SCAMP1: variants seen among roughly 807,000 people sequenced by gnomAD.
SCAMP1 encodes the protein secretory carrier-associated membrane protein 1.
Under a neutral mutation model 41.8 loss-of-function variants are expected in SCAMP1, and 15 were observed. That is an observed-to-expected ratio of 0.36 (90% confidence interval 0.24 to 0.55). SCAMP1 has a LOEUF of 0.55. SCAMP1 is among the 20% of genes least tolerant of loss of function. The pLI, the probability that SCAMP1 is intolerant of heterozygous loss-of-function variation, is 0.86. For missense variants in SCAMP1, 341 were observed against 412.6 expected, an observed-to-expected ratio of 0.83 and a Z score of 1.50; for synonymous variants, 135 against 136.8, an observed-to-expected ratio of 0.99 and a Z score of 0.09.
intron 8 of SCAMP1, among the ~76,000 whole-genome samples, chr5:78,464,127 G>A (rs530051504): frequency 2.1e-5 from 3 of 145,930 alleles, no homozygotes; most frequent in Non-Finnish European, 3.0e-5. Flanking sequence ...ACAGGCATGC[G>A]CCACCACACT....
At chr5:78,416,820 C>A (rs1233034799) in intron 4 of SCAMP1, among the ~76,000 whole-genome samples, 171 bp downstream of exon 4, 1 of 152,184 alleles carries the variant, frequency 6.6e-6, no homozygotes, top group South Asian at 2.1e-4. Flanking sequence ...GCCTTCTAAT[C>A]TTGGCTGATT....
intron 1 of SCAMP1, among the ~76,000 whole-genome samples, chr5:78,366,980 G>C (rs1384455746): frequency 6.6e-6 from 1 of 151,774 alleles, no homozygotes; most frequent in Non-Finnish European, 1.5e-5. Flanking sequence ...TTTGAGTTTG[G>C]AGATTGGATA....
At chr5:78,407,083 T>C (rs1254482728) in intron 2 of SCAMP1, among the ~76,000 whole-genome samples, 1 of 152,224 alleles carries the variant, frequency 6.6e-6, no homozygotes, top group Non-Finnish European at 1.5e-5. Flanking sequence ...ATAGGTTGGC[T>C]TTCCTTCTGT....
intron 2 of SCAMP1, among the ~76,000 whole-genome samples, chr5:78,414,469 G>A (rs34625710): frequency 0.17 from 26,458 of 151,904 alleles, 3,065 homozygotes; most frequent in Admixed American, 0.34. Flanking sequence ...TTTTAGGAGA[G>A]ATGGGGTTTC....
At chr5:78,398,236 T>C (rs1751702535) in intron 2 of SCAMP1, among the ~76,000 whole-genome samples, 1 of 152,090 alleles carries the variant, frequency 6.6e-6, no homozygotes, top group Non-Finnish European at 1.5e-5. Flanking sequence ...AATGAAGTAG[T>C]TACTACAACA....
intron 1 of SCAMP1, 161 bp downstream of exon 1, chr5:78,360,889 C>T (rs1327711238): frequency 1.5e-6 from 1 of 670,100 alleles, no homozygotes; most frequent in Non-Finnish European, 2.5e-6. Flanking sequence ...GCCCCGGCCC[C>T]GTGTCACTCC....
chr5:78,383,556 T>C (rs61668697), intron 1 of SCAMP1, among the ~76,000 whole-genome samples: 6,580 of 152,278 alleles, frequency 0.043, 426 homozygotes, highest in African/African-American at 0.15. Flanking sequence ...AGAAATTTTA[T>C]GGTTTCAGGT....
intron 6 of SCAMP1, among the ~76,000 whole-genome samples, chr5:78,423,450 T>G (rs1031621544): frequency 2.0e-5 from 3 of 152,212 alleles, no homozygotes; most frequent in South Asian, 2.1e-4. Context: ...GTTTTGTTTT[T>G]TTTGGACATC....
intron 6 of SCAMP1, among the ~76,000 whole-genome samples, chr5:78,431,590 A>T (rs1344402125): frequency 7.4e-5 from 6 of 81,424 alleles, no homozygotes; most frequent in Admixed American, 1.4e-4. Context: ...CTTCTCCCCT[A>T]TTTCTTCATT....
chr5:78,380,011 A>C (rs1751159045), intron 1 of SCAMP1, among the ~76,000 whole-genome samples: 1 of 152,214 alleles, frequency 6.6e-6, no homozygotes, highest in African/African-American at 2.4e-5. Context: ...TCTTCCTTTT[A>C]AAAAACATAA....
intron 2 of SCAMP1, among the ~76,000 whole-genome samples, chr5:78,400,995 C>G (rs1751784545): frequency 6.6e-6 from 1 of 152,106 alleles, no homozygotes; most frequent in Admixed American, 6.5e-5. Flanking sequence ...TGTTCTTTAT[C>G]AAATTGAGGA....
intron 7 of SCAMP1, among the ~76,000 whole-genome samples, chr5:78,450,372 G>A (rs566328625): frequency 1.3e-5 from 2 of 152,224 alleles, no homozygotes; most frequent in South Asian, 4.1e-4. Flanking sequence ...GAGCTTCAGG[G>A]ATTCTAAGGA....
intron 1 of SCAMP1, among the ~76,000 whole-genome samples, chr5:78,369,251 C>T (rs1157246555): frequency 2.6e-5 from 4 of 151,880 alleles, no homozygotes; most frequent in Admixed American, 6.6e-5. Context: ...GGACTATAGG[C>T]GTGCACCGCC....
rs1751413538 is a variant in SCAMP1 at position 78,388,842 on chromosome 5, A to G, written c.63A>G (p.Pro21=). Residue 21 remains proline (P), a synonymous_variant, in exon 2 of 9, where the codon CCA becomes CCG. Coordinates refer to ENST00000621999, the MANE Select transcript of SCAMP1 (RefSeq NM_004866.6). ...DPDLNNPFKD[P]SVTQVTRNVP... is the part of the protein sequence containing the mutation. The stretch of plus-strand genomic sequence containing the variant: ...TCCTTTGAATTTTATTCTAGGATCC[A>G]TCAGTTACACAAGTGACAAGAAATG... The G allele has an allele frequency of 1.3e-6, 2 of 1,515,014 alleles. No individual in the cohort carries two copies. The highest frequency in any genetic ancestry group is 1.8e-6 in the Non-Finnish European group (2 of 1,098,202). The allele number at this position is 1,515,014 out of a possible 1,614,324, so 93.8% of individuals were successfully genotyped here.
At chr5:78,460,827 T>TCCTTC (rs1452759614) in intron 8 of SCAMP1, among the ~76,000 whole-genome samples, 1 of 47,594 alleles carries the variant, frequency 2.1e-5, no homozygotes, top group African/African-American at 6.8e-5. Context: ...CTTCCTTTCT[T>TCCTTC]GTCTTTCCTC....
At chr5:78,447,169 C>T (rs991981045) in intron 6 of SCAMP1, among the ~76,000 whole-genome samples, 2 of 152,310 alleles carry the variant, frequency 1.3e-5, no homozygotes, top group Middle Eastern at 3.4e-3. Flanking sequence ...CCCCACCATA[C>T]GTAGAAAAAT....
chr5:78,373,641 A>G (rs1332300231), intron 1 of SCAMP1, among the ~76,000 whole-genome samples: 1 of 152,120 alleles, frequency 6.6e-6, no homozygotes, highest in African/African-American at 2.4e-5. Context: ...TAGGCATATT[A>G]TCTTTTTTTG....
chr5:78,439,219 G>A (rs530681004), intron 6 of SCAMP1, among the ~76,000 whole-genome samples: 29 of 152,158 alleles, frequency 1.9e-4, no homozygotes, highest in African/African-American at 6.5e-4. Context: ...TTTACATTTA[G>A]GGTTAATATT....
In SCAMP1 at chr5:78,418,624, T is replaced by G. The variant is rs183914024; in HGVS notation, c.344-151T>G. ...ATTTTTTAAAAATCTAAAGCTTGTCTTTCAGAGTTCTAGGAATACAAAGAT... is the reference window on the plus strand; with the variant it reads ...ATTTTTTAAAAATCTAAAGCTTGTCGTTCAGAGTTCTAGGAATACAAAGAT... On this transcript the variant is annotated intron_variant, in intron 4 of 8. Coordinates refer to ENST00000621999, the MANE Select transcript of SCAMP1 (RefSeq NM_004866.6). The G allele has an allele frequency of 4.8e-4, 273 of 566,560 alleles. 2 individuals are homozygous for G. In the African/African-American group the frequency reaches 4.9e-3, roughly 10 times the overall value. 35.1% of individuals were successfully genotyped at this position (566,560 alleles called of 1,614,324 possible).
Sources: allele counts gnomAD v4.1 joint callset (sites outside exome capture counted in the v4.1 genomes callset), GRCh38; gene constraint gnomAD v4.1.1; transcripts MANE v1.5; gene names NCBI Gene and HGNC (gene_info 2026-07-23, HGNC 2026-07-21).